Variants in BMPR2 observed in about 807,000 individuals in gnomAD.
The protein encoded by BMPR2 is bone morphogenetic protein receptor type 2, also known as bone morphogenetic protein receptor type-2.
BMPR2 carries 29 observed loss-of-function variants against 100.8 expected under a neutral mutation model. The ratio of observed to expected loss-of-function variants is 0.29; its 90% CI spans 0.21 to 0.39. BMPR2 has a LOEUF of 0.39. BMPR2 is among the 10% of genes least tolerant of loss of function. BMPR2 has a pLI of 1.00. For missense variants in BMPR2, 1,011 were observed against 1,274.5 expected, an observed-to-expected ratio of 0.79 and a Z score of 3.15; for synonymous variants, 382 against 442.3, an observed-to-expected ratio of 0.86 and a Z score of 1.71.
Position 202,503,826 on chromosome 2 carries a change from TG to T in BMPR2, c.419-9890del, listed in dbSNP as rs1222772897. 6.6e-6 allele frequency among the ~76,000 whole-genome samples: 1 copy of T among 152,242 alleles called. No homozygotes were observed. Among genetic ancestry groups the T allele is most frequent in the Non-Finnish European group, 1.5e-5 (1 of 68,032 alleles). ...GTGGGATCCACTGGGTGAAGCCAGC[TG>T]GGCTCCTGAGTCTGGTGGGGACATG... On this transcript the variant is annotated intron_variant, in intron 3 of 12. Transcript: ENST00000374580. This position sits in a 1 kb window ranked among gnomAD's most constrained non-coding sequence, Gnocchi z 4.0.
At chr2:202,539,544 T>C (rs1688232092) in intron 9 of BMPR2, among the ~76,000 whole-genome samples, 1 of 152,130 alleles carries the variant, frequency 6.6e-6, no homozygotes, top group Non-Finnish European at 1.5e-5. Flanking sequence ...TTTTAAACTT[T>C]TATGATATAC....
intron 3 of BMPR2, chr2:202,475,090 C>T (rs1309470416): frequency 6.6e-6 from 1 of 152,054 alleles, no homozygotes; most frequent in East Asian, 1.9e-4. Context: ...TTAGATCCTG[C>T]CTTTTTGTTT....
At chr2:202,463,723 C>T (rs1245353580) in intron 1 of BMPR2, among the ~76,000 whole-genome samples, 1 of 152,114 alleles carries the variant, frequency 6.6e-6, no homozygotes, top group Non-Finnish European at 1.5e-5. Flanking sequence ...AATTATGTGG[C>T]AAATGTTCTA....
At chr2:202,543,680 C>T (rs950776341) in intron 10 of BMPR2, among the ~76,000 whole-genome samples, 1 of 152,052 alleles carries the variant, frequency 6.6e-6, no homozygotes, top group Non-Finnish European at 1.5e-5. Context: ...TCTATCTATT[C>T]TTAAGTTATC....
chr2:202,389,651 T>TA (rs549713134), intron 1 of BMPR2, among the ~76,000 whole-genome samples: 25 of 151,852 alleles, frequency 1.6e-4, no homozygotes, highest in African/African-American at 5.1e-4. Context: ...TAAATTTATT[T>TA]TTTTTTTTTT....
At chr2:202,413,822 G>A (rs981350860) in intron 1 of BMPR2, among the ~76,000 whole-genome samples, 4 of 151,888 alleles carry the variant, frequency 2.6e-5, no homozygotes, top group East Asian at 3.9e-4. Context: ...GCACTGCCAC[G>A]CCGCCAAATT....
At chr2:202,533,948 CTA>C (rs1688075352) in intron 9 of BMPR2, among the ~76,000 whole-genome samples, 1 of 152,168 alleles carries the variant, frequency 6.6e-6, no homozygotes, top group African/African-American at 2.4e-5. Flanking sequence ...AAAACTTTAA[CTA>C]TAAATCTGGC....
At chr2:202,508,409 T>A (rs1474823694) in intron 3 of BMPR2, among the ~76,000 whole-genome samples, 19 of 152,114 alleles carry the variant, frequency 1.2e-4, no homozygotes, top group Non-Finnish European at 1.5e-4. Context: ...TATTTCCTTA[T>A]CACCAAGAAA....
rs904483923 is a variant in BMPR2 at position 202,522,999 on chromosome 2, A to G, written c.967+2798A>G. On this transcript the variant is annotated intron_variant, in intron 7 of 12. Transcript: ENST00000374580. ...ACTTCACGTCCAACAAAGGTCTAAT[A>G]TCCAGAATGTATAAGGAACTTAAAC... is the stretch of plus-strand genomic sequence containing the variant. Among the ~76,000 whole-genome samples, 3 of 152,346 alleles carry G rather than the reference A, an allele frequency of 2.0e-5. No individual in the cohort carries two copies. In the East Asian group the frequency reaches 5.8e-4, roughly 29 times the overall value.
At chr2:202,505,921 A>G (rs879702510) in intron 3 of BMPR2, among the ~76,000 whole-genome samples, 1 of 152,218 alleles carries the variant, frequency 6.6e-6, no homozygotes, top group Admixed American at 6.5e-5. Flanking sequence ...ACTGTTCGTC[A>G]TGGTTGCTAA....
At chr2:202,520,337 C>A (rs2106008657) in intron 7 of BMPR2, 136 bp downstream of exon 7, 3 of 730,812 alleles carry the variant, frequency 4.1e-6, no homozygotes, top group East Asian at 2.7e-5. Flanking sequence ...TTGAAAGATT[C>A]AGCATGAAAT....
intron 3 of BMPR2, among the ~76,000 whole-genome samples, chr2:202,511,569 CTTT>C (rs1687625255): frequency 1.3e-5 from 2 of 150,154 alleles, no homozygotes; most frequent in Admixed American, 6.7e-5. Flanking sequence ...CTTGCCAGCG[CTTT>C]TTATTTTCTT....
intron 3 of BMPR2, among the ~76,000 whole-genome samples, chr2:202,507,017 G>T (rs1293429518): frequency 6.6e-6 from 1 of 150,660 alleles, no homozygotes; most frequent in Non-Finnish European, 1.5e-5. Context: ...AGGTTGTAGT[G>T]ACCCGAGATC....
At chr2:202,542,160 A>T in intron 9 of BMPR2, 151 bp from the exon 10 acceptor site, 1 of 877,968 alleles carries the variant, frequency 1.1e-6, no homozygotes, top group Non-Finnish European at 1.8e-6. Context: ...AGGTCTCTTT[A>T]GGATTTCCAA....
At chr2:202,413,379 C>T (rs1052495818) in intron 1 of BMPR2, among the ~76,000 whole-genome samples, 2 of 152,198 alleles carry the variant, frequency 1.3e-5, no homozygotes, top group Non-Finnish European at 2.9e-5. Flanking sequence ...GTGCTGGTAG[C>T]CAGGAGTTGA....
At chr2:202,464,159 C>CAAAAA (rs71406983) in intron 1 of BMPR2, among the ~76,000 whole-genome samples, 3 of 62,940 alleles carry the variant, frequency 4.8e-5, no homozygotes, top group Non-Finnish European at 5.7e-5. Context: ...AACTCTGTCT[C>CAAAAA]AAAAAAAAAA....
rs931074756 is a variant in BMPR2, at chr2:202,563,020, A to G, written c.*3074A>G. ...AAGCTAAGTAATATGCCCAAGGTCC[A>G]CATCTAGTAACAGACAAAGCTGGGA... On this transcript the variant is annotated 3_prime_UTR_variant, in exon 13 of 13. Coordinates refer to ENST00000374580, the MANE Select transcript of BMPR2 (RefSeq NM_001204.7). The G allele has an allele frequency of 1.3e-5, 2 of 152,220 alleles. No individual in the cohort carries two copies. Among genetic ancestry groups the G allele is most frequent in the Non-Finnish European group, 2.9e-5 (2 of 68,038 alleles). The allele number at this position is 152,220 out of a possible 1,614,324, so 9.4% of individuals were successfully genotyped here. A position where few individuals can be genotyped will look rare whatever the true frequency, so the allele number is the denominator to read the frequency against.
At chr2:202,485,967 T>C (rs1433351830) in intron 3 of BMPR2, among the ~76,000 whole-genome samples, 1 of 151,972 alleles carries the variant, frequency 6.6e-6, no homozygotes, top group Non-Finnish European at 1.5e-5. Context: ...CAAGGGCAGT[T>C]CTCTAAAGAA....
At chr2:202,557,357 G>A (rs368250366) in intron 12 of BMPR2, among the ~76,000 whole-genome samples, 28 of 152,106 alleles carry the variant, frequency 1.8e-4, no homozygotes, top group African/African-American at 2.6e-4. Flanking sequence ...CCAGCTACTC[G>A]GAAGGCTGAG....
Sources: allele counts gnomAD v4.1 joint callset (sites outside exome capture counted in the v4.1 genomes callset), GRCh38; gene constraint gnomAD v4.1.1; non-coding constraint Gnocchi (gnomAD v3.1); transcripts MANE v1.5; gene names NCBI Gene and HGNC (gene_info 2026-07-23, HGNC 2026-07-21).